SCFD2: variants seen among roughly 807,000 people sequenced by gnomAD.
The protein encoded by SCFD2 is sec1 family domain containing 2.
In SCFD2, 54 loss-of-function variants were observed where a neutral mutation model predicts 58.9. The ratio of observed to expected loss-of-function variants is 0.92; its 90% confidence interval spans 0.74 to 1.15. The LOEUF is 1.15. SCFD2 is among the 50% of genes most tolerant of loss of function. The pLI, the probability that SCFD2 is intolerant of heterozygous loss-of-function variation, is 0.00. For missense variants in SCFD2, 805 were observed against 836.6 expected, an observed-to-expected ratio of 0.96 and a Z score of 0.47; for synonymous variants, 321 against 335.9, an observed-to-expected ratio of 0.96 and a Z score of 0.49.
At chr4:52,991,486 G>T (rs1721611552) in intron 5 of SCFD2, among the ~76,000 whole-genome samples, 1 of 152,312 alleles carries the variant, frequency 6.6e-6, no homozygotes, top group African/African-American at 2.4e-5. Context: ...AGGATGGAAG[G>T]TTCCCAAATC....
In SCFD2 at chr4:53,320,489, C is replaced by T. The variant is rs761482907; in HGVS notation, c.1008-6726G>A. 5.3e-5 allele frequency among the ~76,000 whole-genome samples: 8 copies of T among 152,182 alleles called. No homozygotes were observed. In the East Asian group the frequency reaches 9.7e-4, roughly 18 times the overall value. ...AAAATTAGCTGGGCATGGTGGTGCA[C>T]GCCGGCAATCCCAGCTACTCAGGAG... On this transcript the variant is annotated intron_variant, in intron 2 of 8. Coordinates refer to ENST00000401642, the MANE Select transcript of SCFD2 (RefSeq NM_152540.4).
chr4:53,107,910 C>T (rs1354448022), intron 5 of SCFD2, among the ~76,000 whole-genome samples: 1 of 152,186 alleles, frequency 6.6e-6, no homozygotes, highest in African/African-American at 2.4e-5. Context: ...CACCCCAAAT[C>T]AACAGAATAT....
rs940207447 is a variant in SCFD2 at position 52,947,841 on chromosome 4, AAAGCTAAGCCTT to A, written c.1562-26983_1562-26972del. On this transcript the variant is annotated intron_variant, in intron 5 of 8. Coordinates refer to ENST00000401642, the MANE Select transcript of SCFD2 (RefSeq NM_152540.4). The stretch of plus-strand genomic sequence containing the variant: ...TTGAAAGATACCATGAACAGAGTGA[AAAGCTAAGCCTT>A]AAGCTAGTATAAGGTATTTGTAACA... 2.3e-4 allele frequency among the ~76,000 whole-genome samples: 35 copies of A among 152,034 alleles called. 1 individual carries two copies. Among genetic ancestry groups the A allele is most frequent in the Admixed American group, 1.9e-3 (29 of 15,268 alleles).
At chr4:53,207,804 G>A (rs1449039861) in intron 4 of SCFD2, among the ~76,000 whole-genome samples, 2 of 150,028 alleles carry the variant, frequency 1.3e-5, no homozygotes, top group South Asian at 2.1e-4. Context: ...GTGAAAACAT[G>A]TCTGCTTCCC....
intron 5 of SCFD2, among the ~76,000 whole-genome samples, chr4:53,000,025 T>C (rs902758799): frequency 1.9e-4 from 29 of 152,224 alleles, no homozygotes; most frequent in African/African-American, 6.0e-4. Context: ...CTGTATTTTC[T>C]TAATCTTTGC....
chr4:53,278,789 G>C (rs766817047), intron 3 of SCFD2, among the ~76,000 whole-genome samples: 2 of 149,118 alleles, frequency 1.3e-5, no homozygotes, highest in Admixed American at 1.3e-4. Context: ...CTACTCCTTC[G>C]TTAGGTATAA....
chr4:53,209,865 T>G (rs1345257524), intron 4 of SCFD2, among the ~76,000 whole-genome samples: 1 of 152,052 alleles, frequency 6.6e-6, no homozygotes, highest in Non-Finnish European at 1.5e-5. Context: ...CAGTAAACCC[T>G]TTCTCAAAGA....
intron 5 of SCFD2, among the ~76,000 whole-genome samples, chr4:52,947,310 C>T (rs1388294870): frequency 6.6e-6 from 1 of 152,118 alleles, no homozygotes; most frequent in Admixed American, 6.5e-5. Flanking sequence ...CGAGCTCCGG[C>T]CTTCATAGGC....
chr4:53,025,648 A>G (rs146583735), intron 5 of SCFD2, among the ~76,000 whole-genome samples: 1 of 152,212 alleles, frequency 6.6e-6, no homozygotes, highest in African/African-American at 2.4e-5. Context: ...TCCATTATAA[A>G]TGCTAAAAAT....
At chr4:52,981,916 A>G (rs1721383167) in intron 5 of SCFD2, among the ~76,000 whole-genome samples, 2 of 152,186 alleles carry the variant, frequency 1.3e-5, no homozygotes, top group South Asian at 4.1e-4. Flanking sequence ...TACAGTGTGC[A>G]GACATGTGAT....
chr4:52,906,478 C>T (rs1169253590), intron 7 of SCFD2, among the ~76,000 whole-genome samples: 1 of 152,162 alleles, frequency 6.6e-6, no homozygotes, highest in Non-Finnish European at 1.5e-5. Context: ...TCAGAAGTCC[C>T]TAAACACTTT....
chr4:52,893,362 C>T (rs1718923423), intron 7 of SCFD2, among the ~76,000 whole-genome samples: 1 of 152,236 alleles, frequency 6.6e-6, no homozygotes, highest in Admixed American at 6.5e-5. Flanking sequence ...CACTACTGCA[C>T]CCTGTCTTGT....
At chr4:53,156,989 C>T (rs188508226) in intron 4 of SCFD2, among the ~76,000 whole-genome samples, 3 of 152,140 alleles carry the variant, frequency 2.0e-5, no homozygotes, top group African/African-American at 4.8e-5. Flanking sequence ...CCAAAATGAA[C>T]GAAGTGAGCC....
intron 5 of SCFD2, among the ~76,000 whole-genome samples, chr4:53,058,325 T>A (rs1723406386): frequency 1.3e-5 from 2 of 152,122 alleles, no homozygotes; most frequent in African/African-American, 2.4e-5. Context: ...AAGATTTGAA[T>A]TAATGTTATA....
intron 4 of SCFD2, among the ~76,000 whole-genome samples, chr4:53,200,281 C>G (rs1444015582): frequency 6.6e-6 from 1 of 151,972 alleles, no homozygotes; most frequent in East Asian, 1.9e-4. Flanking sequence ...ATATAAGAAA[C>G]AGAGTCATTG....
intron 4 of SCFD2, among the ~76,000 whole-genome samples, chr4:53,187,058 T>C (rs1213832192): frequency 6.6e-6 from 1 of 151,678 alleles, no homozygotes; most frequent in African/African-American, 2.4e-5. Context: ...CAGTATCAAA[T>C]GACAAACAGA....
intron 4 of SCFD2, among the ~76,000 whole-genome samples, chr4:53,165,309 T>G (rs1726974061): frequency 6.6e-6 from 1 of 152,196 alleles, no homozygotes; most frequent in Admixed American, 6.5e-5. Context: ...TTGCATAAAT[T>G]TTGGAATATT....
At chr4:53,361,483 A>G (rs1560465944) in intron 1 of SCFD2, among the ~76,000 whole-genome samples, 1 of 152,178 alleles carries the variant, frequency 6.6e-6, no homozygotes, top group Non-Finnish European at 1.5e-5. Context: ...TGCAGCTTCA[A>G]ACTCCCAGGT....
At chr4:53,106,165 A>G (rs1413289315) in intron 5 of SCFD2, among the ~76,000 whole-genome samples, 1 of 152,216 alleles carries the variant, frequency 6.6e-6, no homozygotes, top group Non-Finnish European at 1.5e-5. Flanking sequence ...ACAGAAAGGA[A>G]TAGCATCAAC....
Sources: gnomAD v4.1 joint callset for allele counts (sites outside exome capture counted in the v4.1 genomes callset) on GRCh38, gnomAD v4.1.1 for gene constraint, MANE v1.5 for transcripts, NCBI Gene and HGNC (gene_info 2026-07-23, HGNC 2026-07-21) for gene names.